Variants in NTRK3 observed in about 807,000 individuals in gnomAD.
NTRK3 encodes the protein neurotrophic receptor tyrosine kinase 3, also known as NT-3 growth factor receptor.
In NTRK3, 24 loss-of-function variants were observed where a neutral mutation model predicts 91.7. That is an observed-to-expected ratio of 0.26 (90% confidence interval 0.19 to 0.37). The LOEUF (loss-of-function observed/expected upper bound fraction) is 0.37. Among genes scored for constraint, NTRK3 ranks in the 10% least tolerant of loss-of-function variants. The probability of loss-of-function intolerance (pLI) is 1.00; values close to 1 mark genes in which losing one functional copy is unlikely to be tolerated. For synonymous variants in NTRK3, 483 were observed against 404.0 expected, an observed-to-expected ratio of 1.20 and a Z score of -2.34; for missense variants, 880 against 1,068.9, an observed-to-expected ratio of 0.82 and a Z score of 2.46.
intron 14 of NTRK3, among the ~76,000 whole-genome samples, chr15:87,975,977 A>G (rs992845290): frequency 6.6e-6 from 1 of 152,082 alleles, no homozygotes; most frequent in Admixed American, 6.5e-5. Context: ...CATGAGGCCA[A>G]TGCTATCCCT....
chr15:88,242,886 C>A (rs1010852804), intron 3 of NTRK3, among the ~76,000 whole-genome samples: 31 of 152,220 alleles, frequency 2.0e-4, no homozygotes, highest in African/African-American at 7.0e-4. Flanking sequence ...AATGCCAGGC[C>A]CCCATTAGCT....
At chr15:88,116,141 A>C (rs774902102) in intron 13 of NTRK3, among the ~76,000 whole-genome samples, 26 of 152,204 alleles carry the variant, frequency 1.7e-4, no homozygotes, top group Non-Finnish European at 2.2e-4. Context: ...GTTTACTGAA[A>C]TCAACTGGGG....
intron 14 of NTRK3, among the ~76,000 whole-genome samples, chr15:87,942,337 G>A (rs28620305): frequency 0.04 from 6,021 of 152,280 alleles, 404 homozygotes; most frequent in African/African-American, 0.14. Context: ...TTACAGGGAG[G>A]GGATTAAAAC....
chr15:88,157,844 A>G (rs1233935401), intron 5 of NTRK3, among the ~76,000 whole-genome samples: 1 of 152,172 alleles, frequency 6.6e-6, no homozygotes, highest in East Asian at 1.9e-4. Flanking sequence ...CCAGTTCCCA[A>G]GATGACCCAG....
chr15:88,171,834 C>T (rs1041448834), intron 5 of NTRK3, among the ~76,000 whole-genome samples: 13 of 152,216 alleles, frequency 8.5e-5, no homozygotes, highest in African/African-American at 2.9e-4. Context: ...TTCGTTCAGT[C>T]AGCCATTTGT....
chr15:88,166,166 G>C (rs1329001467), intron 5 of NTRK3, among the ~76,000 whole-genome samples: 1 of 152,130 alleles, frequency 6.6e-6, no homozygotes, highest in Non-Finnish European at 1.5e-5. Context: ...TCCTGTTCCT[G>C]CTCAGGATCC....
intron 13 of NTRK3, among the ~76,000 whole-genome samples, chr15:88,055,541 C>T (rs952428656): frequency 4.6e-5 from 7 of 152,248 alleles, no homozygotes; most frequent in Admixed American, 1.3e-4. Flanking sequence ...ATTTGCATAG[C>T]GCTTCATGGA....
intron 5 of NTRK3, among the ~76,000 whole-genome samples, chr15:88,176,133 C>CTTTTTTTTTTTT (rs1167029194): frequency 8.6e-6 from 1 of 115,648 alleles, no homozygotes; most frequent in African/African-American, 4.0e-5. Flanking sequence ...CTATATGCCC[C>CTTTTTTTTTTTT]TTCTTTTTTT....
At chr15:88,063,313 A>C (rs1447076490) in intron 13 of NTRK3, among the ~76,000 whole-genome samples, 1 of 152,230 alleles carries the variant, frequency 6.6e-6, no homozygotes, top group Non-Finnish European at 1.5e-5. Flanking sequence ...GCAAGCATCA[A>C]GGCCAGACAG....
At chr15:87,959,347 G>T (rs1176020740) in intron 14 of NTRK3, among the ~76,000 whole-genome samples, 1 of 152,200 alleles carries the variant, frequency 6.6e-6, no homozygotes, top group Non-Finnish European at 1.5e-5. Context: ...TTAAATAGAT[G>T]AGCGGCTGCC....
chr15:87,929,228 C>T (rs1324462511), exon 17 of NTRK3: 1 of 1,614,116 alleles, frequency 6.2e-7, no homozygotes, highest in Non-Finnish European at 8.5e-7. Flanking sequence ...TCTGGACATG[C>T]CGAAGTCCCC....
chr15:88,015,459 C>T (rs1223151060), intron 14 of NTRK3, among the ~76,000 whole-genome samples: 1 of 152,090 alleles, frequency 6.6e-6, no homozygotes, highest in Non-Finnish European at 1.5e-5. Context: ...CCTTCCTGTC[C>T]ATCTCTGCCA....
chr15:87,868,214 A>G (rs944431222), exon 19 of NTRK3: 1 of 230,350 alleles, frequency 4.3e-6, no homozygotes. Context: ...AACATAAATA[A>G]TTAAAAACGT....
chr15:87,884,257 C>T (rs1313890761), intron 17 of NTRK3, among the ~76,000 whole-genome samples: 2 of 151,380 alleles, frequency 1.3e-5, no homozygotes, highest in African/African-American at 2.4e-5. Flanking sequence ...TGAAAGTATA[C>T]ATGCATTATT....
intron 3 of NTRK3, among the ~76,000 whole-genome samples, chr15:88,229,721 A>G (rs967481883): frequency 1.3e-5 from 2 of 152,148 alleles, no homozygotes; most frequent in African/African-American, 4.8e-5. Context: ...TCACCTGCTC[A>G]TGGGCACTTG....
In NTRK3 at chr15:87,923,117, G is replaced by A. The variant is rs1381795936; in HGVS notation, c.2133+6074C>T. Among the ~76,000 whole-genome samples the A allele has an allele frequency of 3.9e-5, 6 of 152,192 alleles. No individual in the cohort carries two copies. In the South Asian group the frequency reaches 1.0e-3, roughly 26 times the overall value. On this transcript the variant is annotated intron_variant, in intron 17 of 18. Coordinates refer to ENST00000394480, the Ensembl canonical transcript of NTRK3. ...TTTCCTGATAAATCAGTGGATATGG[G>A]ATGATTTCCTGCTGGGATGGAATGT...
chr15:87,973,659 G>A (rs562791582), intron 14 of NTRK3, among the ~76,000 whole-genome samples: 1 of 152,188 alleles, frequency 6.6e-6, no homozygotes, highest in South Asian at 2.1e-4. Context: ...GGTGGGTGGG[G>A]GAGAGCTGGG....
At chr15:88,183,580 T>C in intron 4 of NTRK3, 91 bp from the exon 5 acceptor site, 1 of 1,201,176 alleles carries the variant, frequency 8.3e-7, no homozygotes, top group South Asian at 1.2e-5. Context: ...AGGCTAAGGC[T>C]GGCCCTGCAG....
At chr15:88,182,510 C>T (rs918582498) in intron 5 of NTRK3, among the ~76,000 whole-genome samples, 3 of 152,192 alleles carry the variant, frequency 2.0e-5, no homozygotes, top group Non-Finnish European at 4.4e-5. Context: ...TAGCCCATAG[C>T]ACACCACTTC....
Sources: gnomAD v4.1 joint callset for allele counts (sites outside exome capture counted in the v4.1 genomes callset) on GRCh38, gnomAD v4.1.1 for gene constraint, MANE v1.5 for transcripts, NCBI Gene and HGNC (gene_info 2026-07-23, HGNC 2026-07-21) for gene names.